The following PDGFRL variants were observed in gnomAD, a reference collection of about 807,000 sequenced individuals.
PDGFRL encodes the protein platelet-derived growth factor receptor-like protein.
PDGFRL carries 46 observed loss-of-function variants against 37.2 expected under a neutral mutation model. That is an observed-to-expected ratio of 1.24 (90% CI 0.98 to 1.58). The LOEUF is 1.58. Ranked by LOEUF, PDGFRL falls within the 40% of genes most tolerant of loss-of-function variation. The pLI, the probability that PDGFRL is intolerant of heterozygous loss-of-function variation, is 0.00. For synonymous variants in PDGFRL, 251 were observed against 184.3 expected (o/e 1.36, Z -2.93); for missense variants, 692 against 467.6 (o/e 1.48, Z -4.43).
intron 5 of PDGFRL, among the ~76,000 whole-genome samples, chr8:17,635,072 C>T (rs997007638): frequency 6.6e-6 from 1 of 152,160 alleles, no homozygotes; most frequent in African/African-American, 2.4e-5. Flanking sequence ...ATCTTCTGGG[C>T]CAACTAGAGT....
At chr8:17,621,457 C>G (rs984061241) in intron 3 of PDGFRL, among the ~76,000 whole-genome samples, 1 of 149,854 alleles carries the variant, frequency 6.7e-6, no homozygotes, top group Non-Finnish European at 1.5e-5. Flanking sequence ...TTAAATAAGT[C>G]CTTAAGGTCA....
rs559630374 is a variant in PDGFRL at position 17,609,969 on chromosome 8, C to T, written c.354-11082C>T. Among the ~76,000 whole-genome samples the T allele has an allele frequency of 2.0e-5, 3 of 152,274 alleles. No homozygotes were observed. In the South Asian group the frequency reaches 6.2e-4, roughly 32 times the overall value. ...TGAGCGATTACCTTGAAAACGTTGG[C>T]AGGAGGGAGATTTGGTGGATTTCCC... is the stretch of plus-strand genomic sequence containing the variant. On this transcript the variant is annotated intron_variant, in intron 2 of 5. Transcript: ENST00000251630.
intron 2 of PDGFRL, among the ~76,000 whole-genome samples, chr8:17,599,825 C>T (rs1033726929): frequency 7.9e-5 from 12 of 152,178 alleles, no homozygotes; most frequent in Admixed American, 6.5e-5. Flanking sequence ...CCCTGATCTA[C>T]CAGTGACGGG....
intron 2 of PDGFRL, among the ~76,000 whole-genome samples, chr8:17,610,833 C>T (rs886500031): frequency 4.6e-5 from 7 of 152,096 alleles, no homozygotes; most frequent in African/African-American, 1.7e-4. Flanking sequence ...TTCCCTTGAA[C>T]CCAGGAGGCA....
At chr8:17,583,258 G>A (rs1184685464) in intron 1 of PDGFRL, among the ~76,000 whole-genome samples, 2 of 152,118 alleles carry the variant, frequency 1.3e-5, no homozygotes, top group Admixed American at 6.5e-5. Flanking sequence ...CATGGGAACA[G>A]GGCTCATGTG....
At chr8:17,612,344 CTCTTCCT>C (rs887820795) in intron 2 of PDGFRL, among the ~76,000 whole-genome samples, 8 of 151,772 alleles carry the variant, frequency 5.3e-5, no homozygotes, top group East Asian at 3.9e-4. Context: ...TCTCTCTTCC[CTCTTCCT>C]TCTTCCTTCT....
chr8:17,611,089 C>T (rs1804402050), intron 2 of PDGFRL, among the ~76,000 whole-genome samples: 1 of 152,192 alleles, frequency 6.6e-6, no homozygotes, highest in African/African-American at 2.4e-5. Flanking sequence ...CAGTGGGAGG[C>T]ATGCCAAACT....
intron 2 of PDGFRL, among the ~76,000 whole-genome samples, chr8:17,617,178 G>T (rs1404216183): frequency 6.6e-6 from 1 of 152,170 alleles, no homozygotes; most frequent in Non-Finnish European, 1.5e-5. Context: ...TTTGAAACAT[G>T]GACTTGGCCA....
At chr8:17,585,326 C>T (rs934361996) in intron 1 of PDGFRL, among the ~76,000 whole-genome samples, 1 of 152,068 alleles carries the variant, frequency 6.6e-6, no homozygotes, top group Admixed American at 6.6e-5. Context: ...CCCAGTGGTT[C>T]TCAGCCTTAT....
At position 17,628,679 on chromosome 8, in the gene PDGFRL, A is replaced by G; in HGVS notation, c.698A>G (p.Tyr233Cys). ...TATGACATGAAGCGGGGCTTTGTGTATCTGCAACCTCATTCCGAGCACCAG... is the reference window on the plus strand; with the variant it reads ...TATGACATGAAGCGGGGCTTTGTGTGTCTGCAACCTCATTCCGAGCACCAG... The part of the protein sequence containing the change: ...IVYDMKRGFV[Y>C]LQPHSEHQGV... The change falls in exon 4 of 6, where the codon TAT becomes TGT. Residue 233 changes from tyrosine (Y) to cysteine (C), a missense_variant. Physicochemically the swap from Tyr to Cys is radical, Grantham distance 194. Coordinates refer to ENST00000251630, the MANE Select transcript of PDGFRL (RefSeq NM_001372073.1). 2 of 1,613,946 alleles carry G rather than the reference A, an allele frequency of 1.2e-6. No individual in the cohort carries two copies. Among genetic ancestry groups the G allele is most frequent in the Non-Finnish European group, 1.7e-6 (2 of 1,179,810 alleles).
At position 17,624,579 on chromosome 8, in the gene PDGFRL, C is replaced by T. The variant is rs117063256; in HGVS notation, c.505+3377C>T. Reference sequence around the variant, plus strand: ...GCTTTCTCATAGTAAAAGGCTGAGGCTCTAATTTTTATACGTAGGAAAACC... The same window carrying T: ...GCTTTCTCATAGTAAAAGGCTGAGGTTCTAATTTTTATACGTAGGAAAACC... On this transcript the variant is annotated intron_variant, in intron 3 of 5. Transcript: ENST00000251630. Among the ~76,000 whole-genome samples, 955 of 152,280 alleles carry T rather than the reference C, an allele frequency of 6.3e-3. 2 individuals are homozygous for T. The highest frequency in any genetic ancestry group is 0.022 in the South Asian group (106 of 4,824).
chr8:17,581,344 G>A lies in PDGFRL; in HGVS notation c.55+4037G>A, dbSNP rs149391059. 2.2e-3 allele frequency among the ~76,000 whole-genome samples: 328 copies of A among 152,280 alleles called. 2 individuals carry two copies. The highest frequency in any genetic ancestry group is 7.5e-3 in the African/African-American group (313 of 41,528). On this transcript the variant is annotated intron_variant, in intron 1 of 5. Transcript: ENST00000251630. ...TGGCTGTGGCTGTGATGCGTGGGAC[G>A]GGAGCTGGCCAAGCCTTGTAGGGCA...
intron 2 of PDGFRL, among the ~76,000 whole-genome samples, chr8:17,612,986 T>C (rs1804452973): frequency 6.6e-6 from 1 of 152,234 alleles, no homozygotes; most frequent in Non-Finnish European, 1.5e-5. Flanking sequence ...TATCAAAATA[T>C]TCAAACTCTT....
At chr8:17,611,803 A>C (rs1162660326) in intron 2 of PDGFRL, among the ~76,000 whole-genome samples, 1 of 152,148 alleles carries the variant, frequency 6.6e-6, no homozygotes, top group African/African-American at 2.4e-5. Context: ...AAGGCATCTG[A>C]AGGGGATGGG....
intron 1 of PDGFRL, among the ~76,000 whole-genome samples, chr8:17,589,206 T>C (rs1183669934): frequency 2.0e-5 from 3 of 152,004 alleles, no homozygotes; most frequent in Non-Finnish European, 4.4e-5. Flanking sequence ...GCTGAGACCC[T>C]GTCTCCATGT....
chr8:17,592,675 G>A (rs550539372), intron 2 of PDGFRL, among the ~76,000 whole-genome samples: 1 of 152,210 alleles, frequency 6.6e-6, no homozygotes, highest in African/African-American at 2.4e-5. Flanking sequence ...CTCAGTACCG[G>A]GCTAACCTCA....
rs1174521094 is a variant in PDGFRL, at chr8:17,592,922, A to G, written c.353+3157A>G. 0.025 allele frequency among the ~76,000 whole-genome samples: 210 copies of G among 8,322 alleles called. 2 individuals carry two copies. The East Asian group carries it at 0.41, about 16-fold the overall frequency. 5.5% of individuals were successfully genotyped at this position (8,322 alleles called of 152,430 possible). A position where few individuals can be genotyped will look rare whatever the true frequency, so the allele number is the denominator to read the frequency against. On this transcript the variant is annotated intron_variant, in intron 2 of 5. Coordinates refer to ENST00000251630, the MANE Select transcript of PDGFRL (RefSeq NM_001372073.1). ...TTCTTAAACCCACATACATGCACAC[A>G]CACACACACACACACACACACACAC...
intron 2 of PDGFRL, among the ~76,000 whole-genome samples, chr8:17,602,919 G>T (rs1161753921): frequency 6.6e-6 from 1 of 152,184 alleles, no homozygotes; most frequent in Non-Finnish European, 1.5e-5. Flanking sequence ...CTACGTAGTG[G>T]TCACAGTTTC....
chr8:17,642,483 C>T, intron 5 of PDGFRL, 130 bp from the exon 6 acceptor site: 1 of 658,078 alleles, frequency 1.5e-6, no homozygotes. Context: ...ATGAGCTACG[C>T]ATACTAAACA....
Sources: allele counts gnomAD v4.1 joint callset (sites outside exome capture counted in the v4.1 genomes callset), GRCh38; gene constraint gnomAD v4.1.1; transcripts MANE v1.5; gene names NCBI Gene and HGNC (gene_info 2026-07-23, HGNC 2026-07-21).